Variants in RBFOX1 observed in about 807,000 individuals in gnomAD.
RBFOX1 encodes RNA binding protein fox-1 homolog 1.
A neutral mutation model predicts 57.7 loss-of-function variants in RBFOX1; 8 were observed. The ratio of observed to expected loss-of-function variants is 0.14; its 90% CI spans 0.08 to 0.25. The LOEUF is 0.25. RBFOX1 is among the 10% of genes least tolerant of loss of function. The probability of loss-of-function intolerance (pLI) is 1.00; values close to 1 mark genes in which losing one functional copy is unlikely to be tolerated. For synonymous variants in RBFOX1, 326 were observed against 222.4 expected (o/e 1.47, Z -4.15); for missense variants, 611 against 548.5 (o/e 1.11, Z -1.14).
At chr16:6,837,123 G>C (rs1000056773) in intron 3 of RBFOX1, among the ~76,000 whole-genome samples, 2 of 152,184 alleles carry the variant, frequency 1.3e-5, no homozygotes, top group African/African-American at 4.8e-5. Flanking sequence ...TCCCTTGTTT[G>C]CAAACAGTAC....
chr16:6,476,993 C>G (rs1035820964), intron 2 of RBFOX1, among the ~76,000 whole-genome samples: 1 of 152,206 alleles, frequency 6.6e-6, no homozygotes, highest in Non-Finnish European at 1.5e-5. Context: ...AACTCCTCAT[C>G]TGTTAAAGTT....
chr16:6,679,965 A>G (rs1193549710), intron 3 of RBFOX1, among the ~76,000 whole-genome samples: 1 of 139,912 alleles, frequency 7.1e-6, no homozygotes, highest in Non-Finnish European at 1.5e-5. Context: ...GTGTTTTTAT[A>G]TAATCTGCCT....
chr16:5,617,812 T>C (rs2048082425), intron 3 of RBFOX1, among the ~76,000 whole-genome samples: 2 of 152,202 alleles, frequency 1.3e-5, no homozygotes, highest in African/African-American at 2.4e-5. Flanking sequence ...GCCATTTATA[T>C]TTAATAGAAG....
intron 4 of RBFOX1, among the ~76,000 whole-genome samples, chr16:7,353,610 T>C (rs905135391): frequency 3.9e-5 from 6 of 152,148 alleles, no homozygotes; most frequent in African/African-American, 1.4e-4. Context: ...TAGCATACAA[T>C]GGGATATGTT....
chr16:6,871,920 T>C (rs1266134974), intron 3 of RBFOX1, among the ~76,000 whole-genome samples: 4 of 100,820 alleles, frequency 4.0e-5, no homozygotes, highest in African/African-American at 1.2e-4. Context: ...TCTGTGTGTG[T>C]GTGTGTGTGT....
At chr16:5,862,431 C>T (rs1454440369) in intron 3 of RBFOX1, among the ~76,000 whole-genome samples, 1 of 152,076 alleles carries the variant, frequency 6.6e-6, no homozygotes, top group African/African-American at 2.4e-5. Flanking sequence ...CTTGTAGCAC[C>T]GTTGGCACAG....
chr16:7,473,486 T>C (rs1390045749), intron 4 of RBFOX1, among the ~76,000 whole-genome samples: 1 of 148,220 alleles, frequency 6.7e-6, no homozygotes, highest in Non-Finnish European at 1.5e-5. Context: ...TATATATGTA[T>C]ATATGTTTAT....
At chr16:6,466,046 T>C (rs975071298) in intron 2 of RBFOX1, among the ~76,000 whole-genome samples, 2 of 151,996 alleles carry the variant, frequency 1.3e-5, no homozygotes, top group Admixed American at 1.3e-4. Flanking sequence ...CTGGTCAACA[T>C]GGTGAAACCC....
Position 7,456,953 on chromosome 16 carries a change from C to T in RBFOX1, c.28-61194C>T, listed in dbSNP as rs1428904096. ...GTTGCCCAGGCTGAGTGCAATGGCG[C>T]GATCCCGGCTCACTGCAACCTCTGC... On this transcript the variant is annotated intron_variant, in intron 4 of 15. Coordinates refer to ENST00000550418, the MANE Select transcript of RBFOX1 (RefSeq NM_018723.4). Among the ~76,000 whole-genome samples the T allele has an allele frequency of 3.3e-5, 5 of 151,846 alleles. No individual in the cohort carries two copies. In the East Asian group the frequency reaches 5.8e-4, roughly 18 times the overall value.
At chr16:7,603,930 G>A (rs1227666465) in intron 9 of RBFOX1, among the ~76,000 whole-genome samples, 1 of 152,140 alleles carries the variant, frequency 6.6e-6, no homozygotes, top group East Asian at 1.9e-4. Context: ...CAGGGGGAAG[G>A]AGGAGGAAGA....
chr16:5,733,414 A>C (rs1043478756), intron 3 of RBFOX1, among the ~76,000 whole-genome samples: 5 of 152,160 alleles, frequency 3.3e-5, no homozygotes, highest in African/African-American at 1.2e-4. Flanking sequence ...TCCGAAGATC[A>C]ACTCCAATGT....
intron 3 of RBFOX1, among the ~76,000 whole-genome samples, chr16:6,909,697 A>G (rs2071058691): frequency 6.6e-6 from 1 of 152,200 alleles, no homozygotes; most frequent in African/African-American, 2.4e-5. Flanking sequence ...AACACGTGGT[A>G]CATGCATGCT....
chr16:6,295,099 GTTTTTTTTTTTTTT>G (rs563055676), intron 1 of RBFOX1, among the ~76,000 whole-genome samples: 4 of 96,004 alleles, frequency 4.2e-5, no homozygotes, highest in African/African-American at 1.7e-4. Flanking sequence ...TAAGCAGTGA[GTTTTTTTTTTTTTT>G]TTTTTTTTTT....
At chr16:5,969,689 GC>G (rs1385621911) in intron 4 of RBFOX1, among the ~76,000 whole-genome samples, 4 of 151,758 alleles carry the variant, frequency 2.6e-5, no homozygotes, top group Admixed American at 1.3e-4. Context: ...ACTTCACAGA[GC>G]TCCCTCTTTT....
At chr16:7,415,051 G>A (rs2098465379) in intron 4 of RBFOX1, among the ~76,000 whole-genome samples, 2 of 152,220 alleles carry the variant, frequency 1.3e-5, no homozygotes, top group Admixed American at 1.3e-4. Context: ...ATACTCTACA[G>A]CCTCTGACAT....
chr16:6,731,638 C>A (rs962883601), intron 3 of RBFOX1, among the ~76,000 whole-genome samples: 1 of 151,938 alleles, frequency 6.6e-6, no homozygotes, highest in Non-Finnish European at 1.5e-5. Flanking sequence ...GTGTAAACAC[C>A]CCAGCTCCCT....
At chr16:7,225,905 A>AATCAATATATATATATATATATATAT (rs1555600462) in intron 4 of RBFOX1, among the ~76,000 whole-genome samples, 11 of 93,750 alleles carry the variant, frequency 1.2e-4, no homozygotes, top group Non-Finnish European at 2.2e-4. Flanking sequence ...AAGTATAATA[A>AATCAATATATATATATATATATATAT]ATATATATAT....
intron 4 of RBFOX1, among the ~76,000 whole-genome samples, chr16:7,151,964 C>T (rs2076196033): frequency 6.6e-6 from 1 of 152,168 alleles, no homozygotes; most frequent in African/African-American, 2.4e-5. Flanking sequence ...TGCTCACCTG[C>T]TGCTTACCTC....
intron 4 of RBFOX1, among the ~76,000 whole-genome samples, chr16:7,148,598 T>G (rs2075506905): frequency 6.6e-6 from 1 of 152,242 alleles, no homozygotes; most frequent in Admixed American, 6.5e-5. Flanking sequence ...AAGTTTGATT[T>G]TCTAACAATT....
Sources: gnomAD v4.1 joint callset for allele counts (sites outside exome capture counted in the v4.1 genomes callset) on GRCh38, gnomAD v4.1.1 for gene constraint, MANE v1.5 for transcripts, NCBI Gene and HGNC (gene_info 2026-07-23, HGNC 2026-07-21) for gene names.